The following ZCCHC7 variants were observed in gnomAD, a reference collection of about 807,000 sequenced individuals.
ZCCHC7 encodes the protein zinc finger CCHC domain-containing protein 7.
A neutral mutation model predicts 52.0 loss-of-function variants in ZCCHC7; 35 were observed. That is an observed-to-expected ratio of 0.67 (90% CI 0.51 to 0.89). The LOEUF (loss-of-function observed/expected upper bound fraction) is 0.89. Among genes scored for constraint, ZCCHC7 ranks in the 40% least tolerant of loss-of-function variants. The probability of loss-of-function intolerance (pLI) is 0.00; values close to 1 mark genes in which losing one functional copy is unlikely to be tolerated. For synonymous variants in ZCCHC7, 217 were observed against 221.5 expected, an observed-to-expected ratio of 0.98 and a Z score of 0.18; for missense variants, 574 against 649.1, an observed-to-expected ratio of 0.88 and a Z score of 1.26.
intron 1 of ZCCHC7, among the ~76,000 whole-genome samples, chr9:37,125,002 C>T (rs140875110): frequency 9.6e-4 from 146 of 152,256 alleles, no homozygotes; most frequent in African/African-American, 3.4e-3. Context: ...TAGGCGCACA[C>T]CACCACACCC....
intron 2 of ZCCHC7, among the ~76,000 whole-genome samples, chr9:37,127,708 GA>G (rs1156734047): frequency 6.6e-6 from 1 of 152,118 alleles, no homozygotes; most frequent in Non-Finnish European, 1.5e-5. Context: ...AACTGGTATT[GA>G]AATGCTCTTT....
At chr9:37,313,986 T>C (rs573532542) in intron 5 of ZCCHC7, among the ~76,000 whole-genome samples, 1 of 152,370 alleles carries the variant, frequency 6.6e-6, no homozygotes, top group African/African-American at 2.4e-5. Flanking sequence ...TAAATTGTAC[T>C]AAATGGTTTC....
chr9:37,184,417 A>G (rs1197187998), intron 2 of ZCCHC7, among the ~76,000 whole-genome samples: 1 of 150,520 alleles, frequency 6.6e-6, no homozygotes, highest in African/African-American at 2.4e-5. Flanking sequence ...AAAGGCATTT[A>G]AAAAGTTATG....
chr9:37,224,608 C>T (rs1042530145), intron 2 of ZCCHC7, among the ~76,000 whole-genome samples: 1 of 152,140 alleles, frequency 6.6e-6, no homozygotes, highest in African/African-American at 2.4e-5. Flanking sequence ...TGCCTAGAGA[C>T]AGTTTTGGTA....
chr9:37,315,174 G>A (rs1435223714), intron 5 of ZCCHC7, among the ~76,000 whole-genome samples: 4 of 151,554 alleles, frequency 2.6e-5, no homozygotes, highest in African/African-American at 7.3e-5. Context: ...GCTTGTGTGT[G>A]TATATATATA....
intron 2 of ZCCHC7, among the ~76,000 whole-genome samples, chr9:37,290,240 A>T (rs928308781): frequency 2.0e-4 from 30 of 152,246 alleles, no homozygotes; most frequent in African/African-American, 7.2e-4. Flanking sequence ...GTTGAATAAT[A>T]AACGAATGGT....
chr9:37,233,877 G>A (rs1161455984), intron 2 of ZCCHC7, among the ~76,000 whole-genome samples: 3 of 152,094 alleles, frequency 2.0e-5, no homozygotes, highest in Non-Finnish European at 2.9e-5. Context: ...GTTTTGAGAC[G>A]GAGTCTTACT....
intron 2 of ZCCHC7, among the ~76,000 whole-genome samples, chr9:37,191,263 A>T (rs1049484836): frequency 1.1e-4 from 16 of 152,180 alleles, no homozygotes; most frequent in African/African-American, 3.9e-4. Flanking sequence ...TAGGCCAAAG[A>T]TCTAATAACC....
intron 2 of ZCCHC7, among the ~76,000 whole-genome samples, chr9:37,199,710 GTCTTTCTT>G (rs529640378): frequency 7.9e-4 from 90 of 114,184 alleles, no homozygotes; most frequent in African/African-American, 2.9e-3. Context: ...CTTTCTTTCT[GTCTTTCTT>G]TCTTTCTTTC....
At chr9:37,176,044 C>A (rs1822007325) in intron 2 of ZCCHC7, among the ~76,000 whole-genome samples, 1 of 150,912 alleles carries the variant, frequency 6.6e-6, no homozygotes, top group South Asian at 2.1e-4. Flanking sequence ...ATTTCTTAAG[C>A]CTCATTTGTT....
At chr9:37,289,693 T>C (rs2133619667) in intron 2 of ZCCHC7, among the ~76,000 whole-genome samples, 1 of 152,354 alleles carries the variant, frequency 6.6e-6, no homozygotes, top group Non-Finnish European at 1.5e-5. Flanking sequence ...ATATTACTCT[T>C]ACGAGTTTTT....
At chr9:37,248,018 CTATT>C (rs1424600097) in intron 2 of ZCCHC7, among the ~76,000 whole-genome samples, 3 of 151,774 alleles carry the variant, frequency 2.0e-5, no homozygotes, top group Admixed American at 2.0e-4. Flanking sequence ...AGAGTATTGC[CTATT>C]TATTCCTATT....
rs1436653780 is a variant in ZCCHC7 at position 37,159,992 on chromosome 9, AT to A, written c.610+33052del. 3 of 152,344 alleles carry A rather than the reference AT, an allele frequency of 2.0e-5. No homozygotes were observed. The East Asian group carries it at 5.8e-4, about 29-fold the overall frequency. 9.4% of individuals were successfully genotyped at this position (152,344 alleles called of 1,614,324 possible). A position where few individuals can be genotyped will look rare whatever the true frequency, so the allele number is the denominator to read the frequency against. The stretch of plus-strand genomic sequence containing the variant: ...AGAATTTAAAGAGATTCCCTTAAAC[AT>A]TAAACATTAGGACCTTCTGTGGTGT... On this transcript the variant is annotated intron_variant, in intron 2 of 8. Transcript: ENST00000336755.
At chr9:37,240,399 A>T (rs1488388853) in intron 2 of ZCCHC7, among the ~76,000 whole-genome samples, 3 of 151,914 alleles carry the variant, frequency 2.0e-5, no homozygotes, top group African/African-American at 7.2e-5. Context: ...AATAAAAGAG[A>T]GTTGCCCAAA....
At chr9:37,166,446 A>T (rs1821427070) in intron 2 of ZCCHC7, among the ~76,000 whole-genome samples, 1 of 151,032 alleles carries the variant, frequency 6.6e-6, no homozygotes, top group Non-Finnish European at 1.5e-5. Context: ...CACTTTTCTC[A>T]TTTTTTTTCC....
At chr9:37,235,559 C>CTCCCTTCCCTTCCCT (rs918971149) in intron 2 of ZCCHC7, among the ~76,000 whole-genome samples, 8 of 109,874 alleles carry the variant, frequency 7.3e-5, no homozygotes, top group Non-Finnish European at 1.1e-4. Flanking sequence ...CTCCCCTCCC[C>CTCCCTTCCCTTCCCT]TCCCTTCCCT....
At chr9:37,331,608 T>G (rs12378217) in intron 6 of ZCCHC7, among the ~76,000 whole-genome samples, 21,317 of 151,582 alleles carry the variant, frequency 0.14, 1,747 homozygotes, top group Non-Finnish European at 0.17. Flanking sequence ...CCTGAGATTG[T>G]GATGTAAGAT....
intron 2 of ZCCHC7, among the ~76,000 whole-genome samples, chr9:37,157,321 A>G (rs958727420): frequency 2.0e-5 from 3 of 151,586 alleles, no homozygotes; most frequent in African/African-American, 7.3e-5. Flanking sequence ...ACGTAATGAG[A>G]CCCTGTCTCT....
chr9:37,278,034 G>GTTT (rs1554723031), intron 2 of ZCCHC7, among the ~76,000 whole-genome samples: 8 of 142,958 alleles, frequency 5.6e-5, no homozygotes, highest in South Asian at 4.6e-4. Flanking sequence ...GTGTGTGTGT[G>GTTT]TGTTTTGTTT....
Sources: gnomAD v4.1 joint callset for allele counts (sites outside exome capture counted in the v4.1 genomes callset) on GRCh38, gnomAD v4.1.1 for gene constraint, MANE v1.5 for transcripts, NCBI Gene and HGNC (gene_info 2026-07-23, HGNC 2026-07-21) for gene names.